TBC1D22A: variants seen among roughly 807,000 people sequenced by gnomAD.
The protein encoded by TBC1D22A is putative GTPase activator.
A neutral mutation model predicts 60.2 loss-of-function variants in TBC1D22A; 38 were observed. The ratio of observed to expected loss-of-function variants is 0.63; its 90% CI spans 0.49 to 0.83. The LOEUF (loss-of-function observed/expected upper bound fraction) is 0.83. TBC1D22A is among the 40% of genes least tolerant of loss of function. TBC1D22A has a pLI of 0.00. For synonymous variants in TBC1D22A, 302 were observed against 281.7 expected, an observed-to-expected ratio of 1.07 and a Z score of -0.72; for missense variants, 628 against 701.0, an observed-to-expected ratio of 0.90 and a Z score of 1.18.
At chr22:47,083,382 C>G (rs546612105) in intron 11 of TBC1D22A, among the ~76,000 whole-genome samples, 1 of 146,126 alleles carries the variant, frequency 6.8e-6, no homozygotes, top group African/African-American at 2.6e-5. Context: ...CACACACACA[C>G]GAGTCAAAAC....
At chr22:47,155,605 A>G (rs2067681717) in intron 12 of TBC1D22A, among the ~76,000 whole-genome samples, 1 of 152,218 alleles carries the variant, frequency 6.6e-6, no homozygotes, top group African/African-American at 2.4e-5. Context: ...ACTCAAAGGC[A>G]TGAGGGCCGG....
At chr22:46,837,031 C>T (rs1047545575) in intron 4 of TBC1D22A, among the ~76,000 whole-genome samples, 3 of 151,018 alleles carry the variant, frequency 2.0e-5, no homozygotes, top group Non-Finnish European at 4.4e-5. Flanking sequence ...CATGGTGGCA[C>T]GTGCCTGTAG....
chr22:46,822,828 G>A (rs2085887230), intron 4 of TBC1D22A, among the ~76,000 whole-genome samples: 2 of 152,152 alleles, frequency 1.3e-5, no homozygotes. Context: ...GGGTTGGTGG[G>A]GGCTGAGGTC....
chr22:47,010,849 A>G (rs2061731648), intron 10 of TBC1D22A, among the ~76,000 whole-genome samples: 1 of 152,182 alleles, frequency 6.6e-6, no homozygotes, highest in Non-Finnish European at 1.5e-5. Context: ...CAAATCAAAG[A>G]AATAGAAGTT....
At chr22:47,156,356 T>G (rs1351409438) in intron 12 of TBC1D22A, among the ~76,000 whole-genome samples, 1 of 152,162 alleles carries the variant, frequency 6.6e-6, no homozygotes, top group Non-Finnish European at 1.5e-5. Flanking sequence ...CAGGGTTGTA[T>G]GGTAGTCAGG....
At chr22:47,104,150 T>C (rs1253486379) in intron 11 of TBC1D22A, among the ~76,000 whole-genome samples, 1 of 151,428 alleles carries the variant, frequency 6.6e-6, no homozygotes, top group Non-Finnish European at 1.5e-5. Context: ...GCTAAAAATA[T>C]AAAAAATTAG....
intron 1 of TBC1D22A, among the ~76,000 whole-genome samples, chr22:46,784,341 G>A (rs537318382): frequency 6.6e-6 from 1 of 152,312 alleles, no homozygotes; most frequent in Admixed American, 6.5e-5. Flanking sequence ...GATTACAGGT[G>A]TGAGCCACCA....
chr22:47,049,116 C>T (rs1984225679), intron 11 of TBC1D22A, among the ~76,000 whole-genome samples: 1 of 152,342 alleles, frequency 6.6e-6, no homozygotes, highest in African/African-American at 2.4e-5. Flanking sequence ...CCACCTGGGT[C>T]CCCAGTGTGG....
At chr22:47,082,388 G>A (rs764586347) in intron 11 of TBC1D22A, among the ~76,000 whole-genome samples, 4 of 146,396 alleles carry the variant, frequency 2.7e-5, no homozygotes, top group East Asian at 2.0e-4. Context: ...TCAGGACAGC[G>A]TGGCATTGAC....
chr22:47,090,374 G>A (rs1281480818), intron 11 of TBC1D22A, among the ~76,000 whole-genome samples: 1 of 152,238 alleles, frequency 6.6e-6, no homozygotes, highest in African/African-American at 2.4e-5. Flanking sequence ...AGACATTTCT[G>A]CCTGGATGCC....
intron 4 of TBC1D22A, among the ~76,000 whole-genome samples, chr22:46,847,374 C>T (rs2087049561): frequency 6.6e-6 from 1 of 152,190 alleles, no homozygotes; most frequent in South Asian, 2.1e-4. Context: ...TACATATCTA[C>T]CAGTATCTGC....
intron 8 of TBC1D22A, among the ~76,000 whole-genome samples, chr22:46,931,076 G>A (rs775432061): frequency 5.9e-5 from 9 of 152,152 alleles, no homozygotes; most frequent in Non-Finnish European, 1.2e-4. Context: ...CCTCTGGACC[G>A]CAGGCAGCTT....
intron 11 of TBC1D22A, among the ~76,000 whole-genome samples, chr22:47,075,908 C>T (rs1272385323): frequency 1.3e-5 from 2 of 152,022 alleles, no homozygotes; most frequent in African/African-American, 4.8e-5. Flanking sequence ...ACACTGATAT[C>T]AGACAAAATT....
intron 11 of TBC1D22A, among the ~76,000 whole-genome samples, chr22:47,065,633 G>T (rs1259261507): frequency 1.3e-5 from 2 of 152,282 alleles, no homozygotes; most frequent in South Asian, 2.1e-4. Context: ...AGCAGGCCTC[G>T]GAGTTGGGAC....
chr22:46,949,404 T>C (rs1406456670), intron 8 of TBC1D22A, among the ~76,000 whole-genome samples: 1 of 152,204 alleles, frequency 6.6e-6, no homozygotes, highest in East Asian at 1.9e-4. Context: ...GTGATGGAGC[T>C]GAGCCTGACC....
rs867775984 is a variant in TBC1D22A, at chr22:47,151,369, C to T, written c.1426-22129C>T. ...CACTGCATGCCTTCCTCCTGCCCTC[C>T]CAGGCAGCAGAAAAATCAATGTGAG... On this transcript the variant is annotated intron_variant, in intron 12 of 12. Coordinates refer to ENST00000337137, the MANE Select transcript of TBC1D22A (RefSeq NM_014346.5). Among the ~76,000 whole-genome samples, 3 of 152,318 alleles carry T rather than the reference C, an allele frequency of 2.0e-5. No individual in the cohort carries two copies. In the Middle Eastern group the frequency reaches 0.01, roughly 522 times the overall value.
intron 5 of TBC1D22A, among the ~76,000 whole-genome samples, chr22:46,883,536 G>C (rs142411177): frequency 6.6e-6 from 1 of 152,172 alleles, no homozygotes. Context: ...CGATGATGAC[G>C]TGCTTGCCTT....
chr22:46,895,905 G>T (rs1026829692), intron 7 of TBC1D22A, among the ~76,000 whole-genome samples: 3 of 152,074 alleles, frequency 2.0e-5, no homozygotes, highest in African/African-American at 7.2e-5. Context: ...TGCATCATTG[G>T]GTGTGGTGTG....
chr22:46,889,866 A>G (rs1398468462), intron 5 of TBC1D22A, among the ~76,000 whole-genome samples: 3 of 152,188 alleles, frequency 2.0e-5, no homozygotes. Context: ...GGAAGTATAC[A>G]GGGGCGGGGG....
Sources: allele counts gnomAD v4.1 joint callset (sites outside exome capture counted in the v4.1 genomes callset), GRCh38; gene constraint gnomAD v4.1.1; transcripts MANE v1.5; gene names NCBI Gene and HGNC (gene_info 2026-07-23, HGNC 2026-07-21).